Variants in MAP2K3 observed in about 807,000 individuals in gnomAD.
MAP2K3 encodes the protein mitogen-activated protein kinase kinase 3.
A neutral mutation model predicts 46.4 loss-of-function variants in MAP2K3; 30 were observed. That is an observed-to-expected ratio of 0.65 (90% CI 0.48 to 0.88). MAP2K3 has a LOEUF of 0.88. Ranked by LOEUF, MAP2K3 falls within the 40% of genes least tolerant of loss-of-function variation. The pLI is 0.00. For missense variants in MAP2K3, 380 were observed against 464.5 expected, an observed-to-expected ratio of 0.82 and a Z score of 1.67; for synonymous variants, 189 against 176.3, an observed-to-expected ratio of 1.07 and a Z score of -0.57.
rs55740804 is a variant in MAP2K3 at position 21,313,508 on chromosome 17, G to T, written c.931G>T (p.Ala311Ser). ...CTCTCCTAGCCTGAGGAAGAACCCC[G>T]CAGAGCGTATGAGCTACCTGGAGCT... ...FTAQCLRKNP[A>S]ERMSYLELME... The change falls in exon 11 of 12, where the codon GCA (alanine) becomes TCA (serine). Residue 311 changes from alanine to serine, a missense_variant. Coordinates refer to ENST00000342679, the MANE Select transcript of MAP2K3 (RefSeq NM_145109.3). 6.2e-7 allele frequency: 1 copy of T among 1,610,998 alleles called. No homozygotes were observed. The highest frequency in any genetic ancestry group is 8.5e-7 in the Non-Finnish European group (1 of 1,179,086).
intron 1 of MAP2K3, among the ~76,000 whole-genome samples, chr17:21,292,067 T>C (rs1975968952): frequency 6.6e-6 from 1 of 152,310 alleles, no homozygotes; most frequent in African/African-American, 2.4e-5. Flanking sequence ...ACTCTGCTGC[T>C]GCCCTGGTGC....
chr17:21,289,929 C>T (rs2144457088), intron 1 of MAP2K3, among the ~76,000 whole-genome samples: 1 of 152,358 alleles, frequency 6.6e-6, no homozygotes, highest in Admixed American at 6.5e-5. Context: ...CCCAGCTGGT[C>T]CCCTGCCCAG....
intron 1 of MAP2K3, among the ~76,000 whole-genome samples, chr17:21,289,197 C>G (rs575149182): frequency 2.0e-5 from 3 of 152,216 alleles, no homozygotes; most frequent in Non-Finnish European, 4.4e-5. Flanking sequence ...TGGTCCCCAA[C>G]GTGGGGCTGG....
Position 21,287,914 on chromosome 17 carries a change from C to T in MAP2K3, c.49+2945C>T, listed in dbSNP as rs932856606. On this transcript the variant is annotated intron_variant, in intron 1 of 11. Coordinates refer to ENST00000342679, the MANE Select transcript of MAP2K3 (RefSeq NM_145109.3). ...ATCCTAGCCCTGCCTGCTGTGGCCA[C>T]CCCCCCAACCCCTGGCTGTCGGAAA... 1.4e-5 allele frequency: 9 copies of T among 665,030 alleles called. No individual in the cohort carries two copies. In the Admixed American group the frequency reaches 1.7e-4, roughly 13 times the overall value. 41.2% of individuals were successfully genotyped at this position (665,030 alleles called of 1,614,324 possible). A position where few individuals can be genotyped will look rare whatever the true frequency, so the allele number is the denominator to read the frequency against.
intron 3 of MAP2K3, among the ~76,000 whole-genome samples, chr17:21,299,929 C>G (rs944840465): frequency 1.2e-4 from 18 of 152,312 alleles, no homozygotes; most frequent in African/African-American, 4.3e-4. Context: ...TTGCAGTGAG[C>G]CAAGATTACC....
At chr17:21,287,045 C>T (rs1975742132) in intron 1 of MAP2K3, among the ~76,000 whole-genome samples, 1 of 152,276 alleles carries the variant, frequency 6.6e-6, no homozygotes, top group Non-Finnish European at 1.5e-5. Context: ...TGAGGCCACA[C>T]AGCTGTGACA....
intron 3 of MAP2K3, 82 bp from the exon 4 acceptor site, chr17:21,300,463 C>T (rs1471634070): frequency 7.1e-7 from 1 of 1,400,822 alleles, no homozygotes; most frequent in Non-Finnish European, 9.9e-7. Flanking sequence ...CCTCTTCATG[C>T]TGCCCAGGTA....
chr17:21,306,251 C>G (rs1200980829), intron 9 of MAP2K3, among the ~76,000 whole-genome samples: 3 of 152,164 alleles, frequency 2.0e-5, no homozygotes, highest in Non-Finnish European at 2.9e-5. Flanking sequence ...ATTGGGGGTC[C>G]CCATGACCCT....
chr17:21,300,779 T>TGAGCCAG, intron 4 of MAP2K3, 95 bp from the exon 5 acceptor site: 3 of 1,610,192 alleles, frequency 1.9e-6, no homozygotes, highest in Non-Finnish European at 2.5e-6. Context: ...TGGGGCACAC[T>TGAGCCAG]GGGCAGTGGC....
At chr17:21,295,847 A>G in intron 1 of MAP2K3, 1 of 1,289,344 alleles carries the variant, frequency 7.8e-7, no homozygotes, top group Non-Finnish European at 1.0e-6. Context: ...GGTGGGTGGC[A>G]GGCTGGGGCC....
intron 1 of MAP2K3, among the ~76,000 whole-genome samples, chr17:21,289,329 T>C (rs978746915): frequency 6.7e-6 from 1 of 149,564 alleles, no homozygotes; most frequent in Admixed American, 6.7e-5. Context: ...AGGACGAATA[T>C]GGGGAAGGTG....
At chr17:21,301,799 T>C (rs2144586032) in intron 5 of MAP2K3, among the ~76,000 whole-genome samples, 1 of 152,422 alleles carries the variant, frequency 6.6e-6, no homozygotes, top group South Asian at 2.1e-4. Flanking sequence ...TGTCTGTCGG[T>C]CAGCAGGGCC....
At position 21,286,921 on chromosome 17, in the gene MAP2K3, C is replaced by T. The variant is rs143961931; in HGVS notation, c.49+1952C>T. ...GATGTGGTGGCAGAGCCACAATGCCCTTCACCAAAAACCCTATGAGCTCCT... is the reference window on the plus strand; with the variant it reads ...GATGTGGTGGCAGAGCCACAATGCCTTTCACCAAAAACCCTATGAGCTCCT... On this transcript the variant is annotated intron_variant, in intron 1 of 11. Coordinates refer to ENST00000342679, the MANE Select transcript of MAP2K3 (RefSeq NM_145109.3). 1.8e-3 allele frequency among the ~76,000 whole-genome samples: 272 copies of T among 152,312 alleles called. 1 individual carries two copies. Among genetic ancestry groups the T allele is most frequent in the African/African-American group, 6.2e-3 (259 of 41,570 alleles).
chr17:21,298,508 C>A (rs201269632), intron 2 of MAP2K3, 29 bp downstream of exon 2: 403 of 1,614,142 alleles, frequency 2.5e-4, no homozygotes, highest in Non-Finnish European at 3.2e-4. Context: ...CTCCCTGGCT[C>A]ACCCTGGAGA....
At chr17:21,293,338 G>A (rs1451155476) in intron 1 of MAP2K3, among the ~76,000 whole-genome samples, 24 of 152,296 alleles carry the variant, frequency 1.6e-4, no homozygotes, top group African/African-American at 2.4e-4. Flanking sequence ...AGCGAGGCCC[G>A]TGCCTCTGGC....
chr17:21,307,273 C>G (rs2144634177), intron 9 of MAP2K3, among the ~76,000 whole-genome samples: 1 of 152,308 alleles, frequency 6.6e-6, no homozygotes, highest in East Asian at 1.9e-4. Flanking sequence ...GATAACAAAG[C>G]CACTCCTGTC....
rs1289138292 is a variant in MAP2K3 at position 21,296,164 on chromosome 17, C to A, written c.50-2249C>A. The A allele has an allele frequency of 3.9e-6, 5 of 1,289,630 alleles. No individual in the cohort carries two copies. The East Asian group carries it at 2.8e-4, about 72-fold the overall frequency. The allele number at this position is 1,289,630 out of a possible 1,614,324, so 79.9% of individuals were successfully genotyped here. On this transcript the variant is annotated intron_variant, in intron 1 of 11. Transcript: ENST00000342679. ...TGCGCAGTGAACCCTGTGCTGAGCA[C>A]CTTGCAGACGTGATCTTGCTTCGTC... is the stretch of plus-strand genomic sequence containing the variant.
intron 6 of MAP2K3, among the ~76,000 whole-genome samples, chr17:21,302,756 T>A (rs1976677715): frequency 6.6e-6 from 1 of 152,310 alleles, no homozygotes. Flanking sequence ...ACTGGTTCAA[T>A]CCTCACTGCA....
At chr17:21,288,546 C>A (rs1975789707) in intron 1 of MAP2K3, among the ~76,000 whole-genome samples, 1 of 152,234 alleles carries the variant, frequency 6.6e-6, no homozygotes, top group East Asian at 1.9e-4. Flanking sequence ...AGCCTGACTG[C>A]CTGGGTCCAA....
Sources: gnomAD v4.1 joint callset for allele counts (sites outside exome capture counted in the v4.1 genomes callset) on GRCh38, gnomAD v4.1.1 for gene constraint, MANE v1.5 for transcripts, NCBI Gene and HGNC (gene_info 2026-07-23, HGNC 2026-07-21) for gene names.